Variants in SLC13A1 observed in about 807,000 individuals in gnomAD.
SLC13A1 encodes solute carrier family 13 member 1, also known as Na(+)/sulfate cotransporter.
In SLC13A1, 65 loss-of-function variants were observed where a neutral mutation model predicts 70.0. That is an observed-to-expected ratio of 0.93 (90% CI 0.76 to 1.14). The LOEUF is 1.14. Ranked by LOEUF, SLC13A1 falls within the 50% of genes most tolerant of loss-of-function variation. The probability of loss-of-function intolerance (pLI) is 0.00; values close to 1 mark genes in which losing one functional copy is unlikely to be tolerated. For missense variants in SLC13A1, 726 were observed against 717.8 expected (o/e 1.01, Z -0.13); for synonymous variants, 275 against 250.5 (o/e 1.10, Z -0.92).
chr7:123,190,530 C>T (rs1004678240), intron 1 of SLC13A1: 2 of 456,468 alleles, frequency 4.4e-6, no homozygotes, highest in African/African-American at 4.0e-5. Context: ...GACGGAGGCC[C>T]TCCTGGTCAG....
chr7:123,176,718 A>G (rs935638611), intron 2 of SLC13A1, among the ~76,000 whole-genome samples: 4 of 152,174 alleles, frequency 2.6e-5, no homozygotes, highest in African/African-American at 4.8e-5. Flanking sequence ...CAGATTTGAC[A>G]CACATAATCA....
intron 6 of SLC13A1, among the ~76,000 whole-genome samples, chr7:123,158,203 G>A (rs1167256190): frequency 6.6e-6 from 1 of 151,980 alleles, no homozygotes; most frequent in African/African-American, 2.4e-5. Context: ...AAGGACCTCA[G>A]AGGTGTTGGA....
At position 123,169,200 on chromosome 7, in the gene SLC13A1, G is replaced by A. The variant is rs1475677727; in HGVS notation, c.501C>T (p.Ala167=). The change falls in exon 4 of 15, where the codon GCC becomes GCT. Residue 167 remains alanine, a synonymous_variant. Coordinates refer to ENST00000194130, the MANE Select transcript of SLC13A1 (RefSeq NM_022444.4). ...QIINAEAEVE[A]TQMTYFNGST... ...ATCCGTTGAAGTAAGTCATCTGAGT[G>A]GCCTCGACCTCTGCTTCTGCATTGA... is the stretch of plus-strand genomic sequence containing the variant. The A allele has an allele frequency of 2.5e-6, 4 of 1,613,916 alleles. No individual in the cohort carries two copies. Among genetic ancestry groups the A allele is most frequent in the East Asian group, 2.2e-5 (1 of 44,868 alleles).
chr7:123,166,754 G>A (rs1045627244), intron 6 of SLC13A1, among the ~76,000 whole-genome samples: 10 of 152,144 alleles, frequency 6.6e-5, no homozygotes, highest in African/African-American at 2.2e-4. Flanking sequence ...GTATTCCATG[G>A]TGTACATGTG....
intron 6 of SLC13A1, among the ~76,000 whole-genome samples, chr7:123,153,285 T>A (rs972312821): frequency 1.3e-5 from 2 of 152,104 alleles, no homozygotes; most frequent in African/African-American, 4.8e-5. Context: ...CATGAGCTGA[T>A]GTTTATGCAA....
In SLC13A1 at chr7:123,171,802, T is replaced by A. The variant is rs1795283137; in HGVS notation, c.331A>T (p.Lys111Ter). ...KWNLHKRIAL[K>*]MVMMVGVNPA... The stretch of plus-strand genomic sequence containing the variant: ...TTTACACCAACCATCATCACCATTT[T>A]CAGAGCAATTCTCTTGTGCAAATTC... Residue 111 changes from lysine to a stop codon, truncating the protein, a stop_gained, in exon 3 of 15, where the codon AAA becomes TAA. Transcript: ENST00000194130. LOFTEE classifies it high-confidence loss of function. The A allele has an allele frequency of 6.2e-7, 1 of 1,613,994 alleles. No individual in the cohort carries two copies. Among genetic ancestry groups the A allele is most frequent in the Non-Finnish European group, 8.5e-7 (1 of 1,179,930 alleles).
At chr7:123,168,305 A>T (rs1486234833) in intron 6 of SLC13A1, 69 bp downstream of exon 6, 6 of 1,019,788 alleles carry the variant, frequency 5.9e-6, no homozygotes, top group African/African-American at 1.6e-5. Context: ...TTTAAAATGC[A>T]TATGTATCTA....
Position 123,170,858 on chromosome 7 carries a change from G to C in SLC13A1, c.365+910C>G, listed in dbSNP as rs370715436. ...CCTCCTAAAGTGCTGGGACTACAGG[G>C]ATGAGCCACCGTGCCCGGCCGAGAT... On this transcript the variant is annotated intron_variant, in intron 3 of 14. Transcript: ENST00000194130. Among the ~76,000 whole-genome samples, 6 of 152,072 alleles carry C rather than the reference G, an allele frequency of 3.9e-5. No individual in the cohort carries two copies. In the East Asian group the frequency reaches 5.8e-4, roughly 15 times the overall value.
At chr7:123,196,424 T>G (rs892383108) in intron 1 of SLC13A1, among the ~76,000 whole-genome samples, 1 of 152,040 alleles carries the variant, frequency 6.6e-6, no homozygotes, top group Non-Finnish European at 1.5e-5. Context: ...ACACAGATAC[T>G]CAGTTGTGAT....
chr7:123,155,271 T>C (rs1011993123), intron 6 of SLC13A1, among the ~76,000 whole-genome samples: 1 of 151,960 alleles, frequency 6.6e-6, no homozygotes, highest in Non-Finnish European at 1.5e-5. Context: ...ATTTCCTGTT[T>C]ATTCTGTTTC....
intron 7 of SLC13A1, among the ~76,000 whole-genome samples, chr7:123,142,752 G>A (rs531467421): frequency 2.0e-5 from 3 of 149,562 alleles, no homozygotes; most frequent in South Asian, 2.1e-4. Flanking sequence ...TGAGTAGCTG[G>A]GACTACAGAT....
intron 10 of SLC13A1, among the ~76,000 whole-genome samples, chr7:123,128,596 G>A (rs1278245702): frequency 2.0e-5 from 3 of 152,096 alleles, no homozygotes; most frequent in Non-Finnish European, 4.4e-5. Flanking sequence ...TTGTAGGGAT[G>A]GGAATAATTT....
chr7:123,188,175 G>A (rs1338100859), intron 1 of SLC13A1, among the ~76,000 whole-genome samples: 1 of 152,146 alleles, frequency 6.6e-6, no homozygotes, highest in Non-Finnish European at 1.5e-5. Flanking sequence ...AGATCTGATG[G>A]TTTTATAAGG....
chr7:123,189,960 TA>T, intron 1 of SLC13A1, among the ~76,000 whole-genome samples: 1 of 152,316 alleles, frequency 6.6e-6, no homozygotes, highest in Non-Finnish European at 1.5e-5. Flanking sequence ...CAGTAATTAT[TA>T]CTTTGAATAT....
At chr7:123,121,151 G>C (rs188160697) in intron 12 of SLC13A1, among the ~76,000 whole-genome samples, 2 of 151,934 alleles carry the variant, frequency 1.3e-5, no homozygotes, top group African/African-American at 2.4e-5. Context: ...GCTCAATTTT[G>C]CTACAAAGTA....
intron 2 of SLC13A1, among the ~76,000 whole-genome samples, chr7:123,179,839 A>T (rs1281151526): frequency 6.6e-6 from 1 of 152,142 alleles, no homozygotes; most frequent in Non-Finnish European, 1.5e-5. Flanking sequence ...CTGGACACAG[A>T]ACCATCCAAG....
chr7:123,129,841 TTATA>T (rs1053610011), intron 8 of SLC13A1, among the ~76,000 whole-genome samples: 1 of 152,212 alleles, frequency 6.6e-6, no homozygotes, highest in Non-Finnish European at 1.5e-5. Context: ...GTACTGGATC[TTATA>T]TATTTAAAAT....
rs183333516 is a variant in SLC13A1 at position 123,198,904 on chromosome 7, C to T, written c.99+944G>A. On this transcript the variant is annotated intron_variant, in intron 1 of 14. Transcript: ENST00000194130. Reference sequence around the variant, plus strand: ...ACTGGCACTGCACACTTACTGTGTGCCAGGCACTGCTCCAAATAAGTGTTT... The same window carrying T: ...ACTGGCACTGCACACTTACTGTGTGTCAGGCACTGCTCCAAATAAGTGTTT... Among the ~76,000 whole-genome samples the T allele has an allele frequency of 2.0e-3, 301 of 152,168 alleles. 2 individuals carry two copies. Among genetic ancestry groups the T allele is most frequent in the African/African-American group, 6.5e-3 (268 of 41,546 alleles).
intron 6 of SLC13A1, chr7:123,148,564 C>A (rs1363683512): frequency 2.6e-6 from 1 of 391,922 alleles, no homozygotes. Flanking sequence ...TGGTTTGATT[C>A]TTCCTCTTCC....
Sources: gnomAD v4.1 joint callset for allele counts (sites outside exome capture counted in the v4.1 genomes callset) on GRCh38, gnomAD v4.1.1 for gene constraint, MANE v1.5 for transcripts, NCBI Gene and HGNC (gene_info 2026-07-23, HGNC 2026-07-21) for gene names.